SBF2: variants seen among roughly 807,000 people sequenced by gnomAD.
SBF2 encodes myotubularin-related protein 13.
In SBF2, 112 loss-of-function variants were observed where a neutral mutation model predicts 225.2. That is an observed-to-expected ratio of 0.50 (90% CI 0.43 to 0.58). The LOEUF (loss-of-function observed/expected upper bound fraction) is 0.58, where lower values mean the gene tolerates loss of function less well. SBF2 is among the 20% of genes least tolerant of loss of function. The pLI, the probability that SBF2 is intolerant of heterozygous loss-of-function variation, is 0.00. For synonymous variants in SBF2, 763 were observed against 773.3 expected, an observed-to-expected ratio of 0.99 and a Z score of 0.22; for missense variants, 1,996 against 2,206.2, an observed-to-expected ratio of 0.90 and a Z score of 1.91.
intron 35 of SBF2, among the ~76,000 whole-genome samples, chr11:9,788,626 G>A (rs866300748): frequency 7.8e-5 from 11 of 141,202 alleles, no homozygotes; most frequent in Middle Eastern, 3.8e-3. Flanking sequence ...ACGGAGTCTT[G>A]CTCTGTCACC....
chr11:9,889,478 T>C (rs890745094), intron 17 of SBF2, among the ~76,000 whole-genome samples: 2 of 152,186 alleles, frequency 1.3e-5, no homozygotes, highest in Non-Finnish European at 2.9e-5. Flanking sequence ...TAAATAACTA[T>C]AAAATCAGGT....
intron 2 of SBF2, among the ~76,000 whole-genome samples, chr11:10,174,100 G>A (rs932102922): frequency 3.3e-5 from 5 of 151,942 alleles, no homozygotes; most frequent in Non-Finnish European, 4.4e-5. Flanking sequence ...AAAAAGCAGA[G>A]CGCCTCTCCT....
chr11:9,890,996 C>T (rs189296331), intron 17 of SBF2, among the ~76,000 whole-genome samples: 135 of 152,114 alleles, frequency 8.9e-4, no homozygotes, highest in Admixed American at 1.7e-3. Flanking sequence ...ATTAGCCGGG[C>T]GTGGTGGTGG....
intron 1 of SBF2, among the ~76,000 whole-genome samples, chr11:10,299,287 G>A (rs982601675): frequency 8.7e-5 from 12 of 138,686 alleles, no homozygotes; most frequent in Middle Eastern, 4.4e-3. Context: ...GCAGTGGGTC[G>A]AGATGGCACC....
At chr11:9,900,241 A>G (rs1861618650) in intron 16 of SBF2, among the ~76,000 whole-genome samples, 1 of 152,218 alleles carries the variant, frequency 6.6e-6, no homozygotes. Context: ...TACGAGTTCT[A>G]AATTTCATTT....
At chr11:9,890,817 G>A (rs1272254350) in intron 17 of SBF2, among the ~76,000 whole-genome samples, 1 of 152,056 alleles carries the variant, frequency 6.6e-6, no homozygotes, top group Non-Finnish European at 1.5e-5. Context: ...GAGGTGCATG[G>A]GTCACTGGAG....
intron 10 of SBF2, 47 bp from the exon 11 acceptor site, chr11:9,993,150 A>G: frequency 7.2e-7 from 1 of 1,388,942 alleles, no homozygotes; most frequent in East Asian, 2.3e-5. Flanking sequence ...TTTTAAAAAC[A>G]AATGAAATAT....
intron 1 of SBF2, among the ~76,000 whole-genome samples, chr11:10,259,146 C>T (rs1961183645): frequency 6.6e-6 from 1 of 152,176 alleles, no homozygotes; most frequent in Admixed American, 6.5e-5. Context: ...TAAATTCACA[C>T]AAGGAGAGTT....
chr11:9,983,279 G>C (rs1947039779), intron 13 of SBF2, among the ~76,000 whole-genome samples: 3 of 152,166 alleles, frequency 2.0e-5, no homozygotes, highest in Admixed American at 6.5e-5. Context: ...GTTTGCGTGG[G>C]AGCTGGGTGA....
At chr11:9,801,107 A>C (rs2133883241) in intron 32 of SBF2, among the ~76,000 whole-genome samples, 1 of 152,330 alleles carries the variant, frequency 6.6e-6, no homozygotes, top group East Asian at 1.9e-4. Flanking sequence ...TTCAGCTAAT[A>C]AATTAATTCT....
At chr11:10,145,205 G>A (rs1954831058) in intron 2 of SBF2, among the ~76,000 whole-genome samples, 1 of 152,140 alleles carries the variant, frequency 6.6e-6, no homozygotes, top group Non-Finnish European at 1.5e-5. Context: ...CATACGCCTG[G>A]CACCTGGGCT....
At chr11:9,983,041 CT>C (rs1463553703) in intron 13 of SBF2, among the ~76,000 whole-genome samples, 3 of 151,902 alleles carry the variant, frequency 2.0e-5, no homozygotes, top group African/African-American at 7.3e-5. Context: ...TCTAGCTGAA[CT>C]TTTTAACTAT....
At chr11:9,831,904 T>C (rs575111437) in intron 27 of SBF2, among the ~76,000 whole-genome samples, 2 of 152,314 alleles carry the variant, frequency 1.3e-5, no homozygotes, top group South Asian at 2.1e-4. Flanking sequence ...AGAAAAAAGA[T>C]TGGTATAACC....
intron 2 of SBF2, among the ~76,000 whole-genome samples, chr11:10,156,751 G>C (rs570852249): frequency 6.6e-6 from 1 of 152,228 alleles, no homozygotes; most frequent in East Asian, 1.9e-4. Flanking sequence ...ACAAACCACT[G>C]CCCAGAGAAA....
intron 1 of SBF2, among the ~76,000 whole-genome samples, chr11:10,244,389 T>C (rs1591296031): frequency 1.3e-5 from 2 of 152,238 alleles, no homozygotes; most frequent in African/African-American, 4.8e-5. Context: ...TTCCTCATTG[T>C]GTATTCTTGG....
intron 17 of SBF2, among the ~76,000 whole-genome samples, chr11:9,861,272 G>A (rs1857713450): frequency 6.6e-6 from 1 of 152,138 alleles, no homozygotes; most frequent in African/African-American, 2.4e-5. Context: ...ATAGATCATT[G>A]CAGCCTAGAA....
At chr11:10,242,015 A>T (rs1384752035) in intron 1 of SBF2, among the ~76,000 whole-genome samples, 1 of 151,318 alleles carries the variant, frequency 6.6e-6, no homozygotes, top group Non-Finnish European at 1.5e-5. Context: ...CACAGACCCT[A>T]GGACCTAACA....
At chr11:9,828,589 G>C in intron 28 of SBF2, 1 of 985,348 alleles carries the variant, frequency 1.0e-6, no homozygotes, top group Non-Finnish European at 1.2e-6. Flanking sequence ...TAACACATTA[G>C]GGTTACCTCT....
At chr11:9,784,277 C>T (rs141497064) in intron 38 of SBF2, 74 bp downstream of exon 38, 69 of 1,111,056 alleles carry the variant, frequency 6.2e-5, no homozygotes, top group Non-Finnish European at 9.1e-5. Flanking sequence ...TATCTGTCTG[C>T]TAGAGCCACA....
Sources: allele counts gnomAD v4.1 joint callset (sites outside exome capture counted in the v4.1 genomes callset), GRCh38; gene constraint gnomAD v4.1.1; transcripts MANE v1.5; gene names NCBI Gene and HGNC (gene_info 2026-07-23, HGNC 2026-07-21).